The following ASIC2 variants were observed in gnomAD, a reference collection of about 807,000 sequenced individuals.
The protein encoded by ASIC2 is acid sensing ion channel subunit 2.
ASIC2 carries 25 observed loss-of-function variants against 57.3 expected under a neutral mutation model. The ratio of observed to expected loss-of-function variants is 0.44; its 90% confidence interval spans 0.32 to 0.61. The LOEUF (loss-of-function observed/expected upper bound fraction) is 0.61. Among genes scored for constraint, ASIC2 ranks in the 20% least tolerant of loss-of-function variants. ASIC2 has a pLI of 0.06. For synonymous variants in ASIC2, 319 were observed against 307.5 expected, an observed-to-expected ratio of 1.04 and a Z score of -0.39; for missense variants, 641 against 738.1, an observed-to-expected ratio of 0.87 and a Z score of 1.52.
chr17:34,026,463 A>G (rs1907383555), intron 1 of ASIC2, among the ~76,000 whole-genome samples: 2 of 152,204 alleles, frequency 1.3e-5, no homozygotes, highest in African/African-American at 4.8e-5. Flanking sequence ...TTTCATTCCT[A>G]AAGTGACTGC....
chr17:34,105,159 T>C (rs113043974), intron 1 of ASIC2, among the ~76,000 whole-genome samples: 1 of 152,056 alleles, frequency 6.6e-6, no homozygotes, highest in African/African-American at 2.4e-5. Context: ...CTTGTGTTAG[T>C]TTTAGTTTCA....
intron 1 of ASIC2, among the ~76,000 whole-genome samples, chr17:34,036,419 GT>G: frequency 6.6e-6 from 1 of 151,074 alleles, no homozygotes; most frequent in African/African-American, 2.4e-5. Flanking sequence ...TATACCTAAT[GT>G]TAAATGACGA....
At chr17:33,416,796 C>T (rs1910858712) in intron 1 of ASIC2, among the ~76,000 whole-genome samples, 1 of 152,212 alleles carries the variant, frequency 6.6e-6, no homozygotes, top group Non-Finnish European at 1.5e-5. Flanking sequence ...AGTCCCCCTT[C>T]TCCTTTAAAT....
intron 6 of ASIC2, among the ~76,000 whole-genome samples, chr17:33,021,780 G>A (rs1317794172): frequency 2.6e-5 from 4 of 152,218 alleles, no homozygotes; most frequent in African/African-American, 9.6e-5. Flanking sequence ...GGGAGGCCCT[G>A]CTCTGGCATT....
intron 3 of ASIC2, 40 bp downstream of exon 3, chr17:33,088,823 A>G: frequency 6.4e-7 from 1 of 1,569,308 alleles, no homozygotes; most frequent in Non-Finnish European, 8.6e-7. Context: ...GGGTCGGGGG[A>G]GGCTGAGGAC....
At chr17:34,011,572 T>A (rs1458702929) in intron 1 of ASIC2, among the ~76,000 whole-genome samples, 1 of 151,906 alleles carries the variant, frequency 6.6e-6, no homozygotes, top group Non-Finnish European at 1.5e-5. Context: ...CTAGCCCATC[T>A]CTCCTTCCCT....
chr17:34,081,361 T>A (rs139959629), intron 1 of ASIC2, among the ~76,000 whole-genome samples: 7 of 152,078 alleles, frequency 4.6e-5, no homozygotes, highest in African/African-American at 9.6e-5. Flanking sequence ...TCCTTAGAAG[T>A]GATAGAAAAG....
chr17:33,050,499 C>A (rs574464802), intron 3 of ASIC2, among the ~76,000 whole-genome samples: 1 of 152,214 alleles, frequency 6.6e-6, no homozygotes, highest in Admixed American at 6.5e-5. Context: ...GTTGCCTATC[C>A]CACTTCCCTC....
intron 1 of ASIC2, among the ~76,000 whole-genome samples, chr17:33,414,716 C>G (rs1224258413): frequency 1.3e-5 from 2 of 152,212 alleles, no homozygotes; most frequent in African/African-American, 4.8e-5. Flanking sequence ...ACTGAGAATG[C>G]TGAACACGTT....
In ASIC2 at chr17:33,247,481, GA is replaced by G. The variant is rs968759558; in HGVS notation, c.708+43926del. ...TCATGAAACTTTGTGAATCCAAAAA[GA>G]AAAAAAAAGAAAACCACCTAAAATC... On this transcript the variant is annotated intron_variant, in intron 1 of 9. Coordinates refer to ENST00000225823, the MANE Select transcript of ASIC2 (RefSeq NM_183377.2). Among the ~76,000 whole-genome samples, 42 of 150,380 alleles carry G rather than the reference GA, an allele frequency of 2.8e-4. 1 individual carries two copies. Among genetic ancestry groups the G allele is most frequent in the Admixed American group, 2.2e-3 (33 of 15,094 alleles).
At chr17:33,992,375 T>A in intron 1 of ASIC2, among the ~76,000 whole-genome samples, 1 of 152,060 alleles carries the variant, frequency 6.6e-6, no homozygotes, top group South Asian at 2.1e-4. Flanking sequence ...CCTGAGAAAA[T>A]TGATTTCTAA....
chr17:33,689,384 AT>A (rs1357005556), intron 1 of ASIC2, among the ~76,000 whole-genome samples: 4 of 152,086 alleles, frequency 2.6e-5, no homozygotes, highest in African/African-American at 9.7e-5. Flanking sequence ...CTCATGGTAT[AT>A]TTAAAAGCAT....
chr17:33,593,306 A>T (rs1054664659), intron 1 of ASIC2, among the ~76,000 whole-genome samples: 7 of 152,122 alleles, frequency 4.6e-5, no homozygotes, highest in Non-Finnish European at 1.0e-4. Flanking sequence ...AGATTTTTAG[A>T]GCGAGATGCC....
intron 1 of ASIC2, among the ~76,000 whole-genome samples, chr17:33,667,854 T>C (rs1160494819): frequency 3.9e-5 from 6 of 152,202 alleles, no homozygotes; most frequent in Admixed American, 3.3e-4. Context: ...CAGATTTATT[T>C]AGTCACTTTA....
intron 1 of ASIC2, among the ~76,000 whole-genome samples, chr17:33,503,136 G>A (rs1914149878): frequency 6.6e-6 from 1 of 152,164 alleles, no homozygotes; most frequent in African/African-American, 2.4e-5. Flanking sequence ...GGGCGTGGAA[G>A]TGATTTATAA....
intron 1 of ASIC2, among the ~76,000 whole-genome samples, chr17:33,869,306 C>T (rs182700555): frequency 5.9e-4 from 90 of 152,210 alleles, no homozygotes; most frequent in Non-Finnish European, 1.1e-3. Context: ...TCATACACTG[C>T]TGGTGGGAAC....
intron 1 of ASIC2, among the ~76,000 whole-genome samples, chr17:34,011,085 G>GAACACACA (rs1906733193): frequency 2.7e-5 from 1 of 36,966 alleles, no homozygotes; most frequent in African/African-American, 8.4e-5. Flanking sequence ...GCAGACACAT[G>GAACACACA]CACACACACA....
chr17:33,948,034 C>T (rs1904439791), intron 1 of ASIC2, among the ~76,000 whole-genome samples: 1 of 152,142 alleles, frequency 6.6e-6, no homozygotes. Flanking sequence ...TTGGCAGCCC[C>T]TTGACTGAAT....
chr17:33,885,387 C>G (rs1026475058), intron 1 of ASIC2, among the ~76,000 whole-genome samples: 3 of 152,160 alleles, frequency 2.0e-5, no homozygotes. Flanking sequence ...AGCAAGCTCT[C>G]AAAAACGTGA....
Sources: gnomAD v4.1 joint callset for allele counts (sites outside exome capture counted in the v4.1 genomes callset) on GRCh38, gnomAD v4.1.1 for gene constraint, MANE v1.5 for transcripts, NCBI Gene and HGNC (gene_info 2026-07-23, HGNC 2026-07-21) for gene names.